ARHGAP5: variants seen among roughly 807,000 people sequenced by gnomAD.
ARHGAP5 encodes Rho GTPase activating protein 5.
In ARHGAP5, 23 loss-of-function variants were observed where a neutral mutation model predicts 116.6. The ratio of observed to expected loss-of-function variants is 0.20; its 90% confidence interval spans 0.14 to 0.28. ARHGAP5 has a LOEUF of 0.28. Ranked by LOEUF, ARHGAP5 falls within the 10% of genes least tolerant of loss-of-function variation. ARHGAP5 has a pLI of 1.00. For synonymous variants in ARHGAP5, 574 were observed against 602.0 expected, an observed-to-expected ratio of 0.95 and a Z score of 0.68; for missense variants, 1,405 against 1,774.8, an observed-to-expected ratio of 0.79 and a Z score of 3.74.
chr14:32,099,649 A>G (rs10134888), intron 2 of ARHGAP5, among the ~76,000 whole-genome samples: 4 of 152,232 alleles, frequency 2.6e-5, no homozygotes, highest in African/African-American at 9.6e-5. Flanking sequence ...AAATACCTCA[A>G]TATACTCAGT....
chr14:32,110,337 T>C (rs1475378463), intron 2 of ARHGAP5, among the ~76,000 whole-genome samples: 1 of 151,964 alleles, frequency 6.6e-6, no homozygotes, highest in Non-Finnish European at 1.5e-5. Flanking sequence ...GCTTTTTTTT[T>C]TTTAAGAGAT....
rs1882019394 is a variant in ARHGAP5 at position 32,159,351 on chromosome 14, A to G, written c.*4403A>G. ...TCTCAAATAGTAAGTTATTGTGAAC[A>G]ATTTAATAACGGCCCTCCTGTTCTA... On this transcript the variant is annotated 3_prime_UTR_variant, in exon 7 of 7. Coordinates refer to ENST00000345122, the MANE Select transcript of ARHGAP5 (RefSeq NM_001030055.2). 1 of 152,178 alleles carries G rather than the reference A, an allele frequency of 6.6e-6. No homozygotes were observed. The highest frequency in any genetic ancestry group is 1.5e-5 in the Non-Finnish European group (1 of 68,000). The allele number at this position is 152,178 out of a possible 1,614,324, so 9.4% of individuals were successfully genotyped here.
At chr14:32,128,988 A>T (rs1236780983) in intron 3 of ARHGAP5, among the ~76,000 whole-genome samples, 1 of 152,134 alleles carries the variant, frequency 6.6e-6, no homozygotes, top group East Asian at 1.9e-4. Flanking sequence ...TGTGTTAGAG[A>T]CTTACGCTTT....
intron 5 of ARHGAP5, among the ~76,000 whole-genome samples, chr14:32,152,203 C>G (rs763804795): frequency 6.6e-6 from 1 of 152,106 alleles, no homozygotes; most frequent in Non-Finnish European, 1.5e-5. Flanking sequence ...GAAACCATCC[C>G]CCCACCCATC....
chr14:32,117,079 C>T (rs1206805662), intron 2 of ARHGAP5, 61 bp from the exon 3 acceptor site: 19 of 1,345,192 alleles, frequency 1.4e-5, no homozygotes, highest in African/African-American at 5.9e-5. Context: ...ATTTACATTG[C>T]TCATTACTAT....
chr14:32,130,928 C>T (rs907815370), intron 3 of ARHGAP5, among the ~76,000 whole-genome samples: 5 of 152,108 alleles, frequency 3.3e-5, no homozygotes, highest in Non-Finnish European at 1.5e-5. Context: ...CTAGATTCAC[C>T]GAGTAAACTT....
rs555785830 is a variant in ARHGAP5 at position 32,157,677 on chromosome 14, T to A, written c.*2729T>A. 1.3e-5 allele frequency: 2 copies of A among 151,944 alleles called. No homozygotes were observed. The highest frequency in any genetic ancestry group is 2.1e-4 in the South Asian group (1 of 4,826). 9.4% of individuals were successfully genotyped at this position (151,944 alleles called of 1,614,324 possible). ...AATTCCAGGCACAATATATTTTTTT[T>A]AAATGGTATTTGTTAGTAGTGCTTC... On this transcript the variant is annotated 3_prime_UTR_variant, in exon 7 of 7. Coordinates refer to ENST00000345122, the MANE Select transcript of ARHGAP5 (RefSeq NM_001030055.2).
intron 6 of ARHGAP5, among the ~76,000 whole-genome samples, chr14:32,153,479 T>G (rs1266897072): frequency 1.4e-5 from 2 of 145,290 alleles, no homozygotes; most frequent in African/African-American, 2.5e-5. Context: ...AGCCAGGTTT[T>G]TTTTTTTTTT....
intron 3 of ARHGAP5, among the ~76,000 whole-genome samples, chr14:32,126,812 C>T (rs1594375551): frequency 2.0e-5 from 3 of 151,262 alleles, no homozygotes; most frequent in African/African-American, 4.9e-5. Context: ...GAGTAGTGAG[C>T]GTTTAATGGG....
At chr14:32,128,817 T>C (rs1196334873) in intron 3 of ARHGAP5, among the ~76,000 whole-genome samples, 1 of 152,228 alleles carries the variant, frequency 6.6e-6, no homozygotes, top group Non-Finnish European at 1.5e-5. Flanking sequence ...AAGATACTGG[T>C]CTGTTGTGTT....
intron 1 of ARHGAP5, among the ~76,000 whole-genome samples, chr14:32,081,471 C>A (rs2041772388): frequency 6.6e-6 from 1 of 150,698 alleles, no homozygotes; most frequent in African/African-American, 2.4e-5. Flanking sequence ...ATGGCGTGAA[C>A]CCAGGAGGCG....
intron 3 of ARHGAP5, among the ~76,000 whole-genome samples, chr14:32,125,216 C>T (rs996455687): frequency 6.6e-6 from 1 of 152,154 alleles, no homozygotes; most frequent in Non-Finnish European, 1.5e-5. Context: ...CTTTATGGCT[C>T]TCTGAATTTA....
At chr14:32,107,810 T>C (rs1450083701) in intron 2 of ARHGAP5, among the ~76,000 whole-genome samples, 1 of 152,210 alleles carries the variant, frequency 6.6e-6, no homozygotes, top group Non-Finnish European at 1.5e-5. Context: ...ATTAGATGTA[T>C]GAGTCTGGTA....
chr14:32,131,591 G>C (rs994044793), intron 3 of ARHGAP5, among the ~76,000 whole-genome samples: 1 of 151,604 alleles, frequency 6.6e-6, no homozygotes, highest in Non-Finnish European at 1.5e-5. Flanking sequence ...TTTGTTTTTT[G>C]TTATTATTAT....
chr14:32,148,800 ATTT>A (rs921713937), intron 4 of ARHGAP5, among the ~76,000 whole-genome samples: 1 of 151,826 alleles, frequency 6.6e-6, no homozygotes, highest in African/African-American at 2.4e-5. Flanking sequence ...TGATGGGGAA[ATTT>A]TTTTTCTTTT....
At chr14:32,131,127 A>ATTGTCTAAAATTCTG (rs1566677571) in intron 3 of ARHGAP5, among the ~76,000 whole-genome samples, 1 of 152,074 alleles carries the variant, frequency 6.6e-6, no homozygotes, top group Non-Finnish European at 1.5e-5. Flanking sequence ...ATACAATTCT[A>ATTGTCTAAAATTCTG]TTGTCTAATA....
At chr14:32,153,475 GT>G (rs760319450) in intron 6 of ARHGAP5, among the ~76,000 whole-genome samples, 113 of 95,576 alleles carry the variant, frequency 1.2e-3, no homozygotes, top group Non-Finnish European at 1.6e-3. Flanking sequence ...TAGCAGCCAG[GT>G]TTTTTTTTTT....
intron 6 of ARHGAP5, 111 bp from the exon 7 acceptor site, chr14:32,154,510 G>A (rs1881803255): frequency 9.9e-7 from 1 of 1,009,368 alleles, no homozygotes; most frequent in South Asian, 1.7e-5. Flanking sequence ...TAAACCCCAG[G>A]TTTGAAGTAG....
intron 1 of ARHGAP5, among the ~76,000 whole-genome samples, chr14:32,084,652 AT>A (rs2139001713): frequency 6.6e-6 from 1 of 152,302 alleles, no homozygotes; most frequent in Admixed American, 6.5e-5. Flanking sequence ...AATTGTTCAA[AT>A]TTTTAATAGG....
Sources: gnomAD v4.1 joint callset for allele counts (sites outside exome capture counted in the v4.1 genomes callset) on GRCh38, gnomAD v4.1.1 for gene constraint, MANE v1.5 for transcripts, NCBI Gene and HGNC (gene_info 2026-07-23, HGNC 2026-07-21) for gene names.